MTUS2: variants seen among roughly 807,000 people sequenced by gnomAD.
MTUS2 encodes microtubule-associated tumor suppressor candidate 2.
In MTUS2, 40 loss-of-function variants were observed where a neutral mutation model predicts 114.1. That is an observed-to-expected ratio of 0.35 (90% CI 0.27 to 0.46). The LOEUF is 0.46. MTUS2 is among the 20% of genes least tolerant of loss of function. The probability of loss-of-function intolerance (pLI) is 1.00; values close to 1 mark genes in which losing one functional copy is unlikely to be tolerated. For synonymous variants in MTUS2, 688 were observed against 672.0 expected (o/e 1.02, Z -0.37); for missense variants, 1,679 against 1,705.4 (o/e 0.98, Z 0.27).
At chr13:29,032,940 CTCT>C (rs1248761993) in intron 3 of MTUS2, among the ~76,000 whole-genome samples, 2 of 152,136 alleles carry the variant, frequency 1.3e-5, no homozygotes, top group African/African-American at 4.8e-5. Flanking sequence ...TTAGTTCTCT[CTCT>C]TTTTTTCCTG....
intron 2 of MTUS2, among the ~76,000 whole-genome samples, chr13:28,902,723 T>C (rs76458423): frequency 0.031 from 4,787 of 152,270 alleles, 234 homozygotes; most frequent in African/African-American, 0.11. Flanking sequence ...TTTGCTAATA[T>C]TATGTTTAGG....
intron 8 of MTUS2, among the ~76,000 whole-genome samples, chr13:29,423,880 C>G (rs1446716045): frequency 7.4e-6 from 1 of 134,522 alleles, no homozygotes; most frequent in Non-Finnish European, 1.6e-5. Context: ...TTTTTTTTTT[C>G]TGAGATGGAG....
chr13:28,915,796 A>G (rs1258852796), intron 2 of MTUS2, among the ~76,000 whole-genome samples: 1 of 151,576 alleles, frequency 6.6e-6, no homozygotes, highest in Non-Finnish European at 1.5e-5. Flanking sequence ...AAGCTTTTTA[A>G]CTTGATATGA....
intron 5 of MTUS2, among the ~76,000 whole-genome samples, chr13:29,272,380 A>C (rs1024947322): frequency 6.6e-6 from 1 of 152,148 alleles, no homozygotes; most frequent in Non-Finnish European, 1.5e-5. Flanking sequence ...CATTTCTTAG[A>C]GTTTGGCTAT....
intron 4 of MTUS2, among the ~76,000 whole-genome samples, chr13:29,034,695 A>G (rs1015384087): frequency 5.9e-5 from 9 of 152,198 alleles, no homozygotes; most frequent in Admixed American, 5.2e-4. Context: ...GTCTTTGGTC[A>G]TCCGGCAGGA....
chr13:29,394,888 A>T (rs1202698991), intron 8 of MTUS2, among the ~76,000 whole-genome samples: 1 of 151,986 alleles, frequency 6.6e-6, no homozygotes. Flanking sequence ...ATGCCTGATG[A>T]TCTAAGGTGG....
chr13:29,089,452 A>T (rs943627588), intron 4 of MTUS2, among the ~76,000 whole-genome samples: 1 of 152,136 alleles, frequency 6.6e-6, no homozygotes, highest in African/African-American at 2.4e-5. Context: ...CATATTGTCT[A>T]GTATTTCACA....
chr13:29,320,630 T>C (rs1257526398), intron 6 of MTUS2, among the ~76,000 whole-genome samples: 1 of 152,108 alleles, frequency 6.6e-6, no homozygotes, highest in Admixed American at 6.5e-5. Context: ...CACCATGGAG[T>C]TGGGACTTCC....
At position 29,100,848 on chromosome 13, in the gene MTUS2, A is replaced by G. The variant is rs1593476432; in HGVS notation, c.2522A>G (p.Tyr841Cys). ...LPKSGLRPPGYSRLPAAKLAA... is the reference protein window; with the variant it reads ...LPKSGLRPPGCSRLPAAKLAA... ...AAATCTGGTCTCCGTCCTCCCGGAT[A>G]CTCACGTCTCCCGGCAGCCAAACTG... The change falls in exon 5 of 16, where the codon TAC becomes TGC. Residue 841 changes from tyrosine (Y) to cysteine (C), a missense_variant. Tyr to Cys is a radical substitution (Grantham distance 194). Around this residue, in one of 3 missense-constraint regions of MTUS2, gnomAD observed 822 missense variants for 899.7 expected, o/e 0.91. Transcript: ENST00000612955. 3.9e-6 allele frequency: 6 copies of G among 1,552,350 alleles called. No individual in the cohort carries two copies. The highest frequency in any genetic ancestry group is 1.4e-5 in the African/African-American group (1 of 73,174).
chr13:29,075,963 GAGA>G (rs1192324255), intron 4 of MTUS2, among the ~76,000 whole-genome samples: 8 of 152,156 alleles, frequency 5.3e-5, no homozygotes, highest in Non-Finnish European at 8.8e-5. Context: ...CCAGAAGAGT[GAGA>G]AGAAGATAGG....
Position 29,435,728 on chromosome 13 carries a change from A to G in MTUS2, c.3118-4255A>G, listed in dbSNP as rs1478168370. ...ACGTCATTCTGGTTTGGCTTGCAGG[A>G]AGCAAAAAGTAACTTACTTTATGCA... On this transcript the variant is annotated intron_variant, in intron 8 of 15. Transcript: ENST00000612955. Among the ~76,000 whole-genome samples the G allele has an allele frequency of 3.3e-5, 5 of 152,340 alleles. No individual in the cohort carries two copies. In the East Asian group the frequency reaches 9.7e-4, roughly 29 times the overall value.
At chr13:29,408,325 A>T (rs1874948023) in intron 8 of MTUS2, among the ~76,000 whole-genome samples, 1 of 152,082 alleles carries the variant, frequency 6.6e-6, no homozygotes, top group South Asian at 2.1e-4. Flanking sequence ...TTTAAAAAAA[A>T]ATTATTTTGA....
intron 9 of MTUS2, among the ~76,000 whole-genome samples, chr13:29,444,298 G>A (rs370828181): frequency 6.6e-5 from 10 of 152,158 alleles, no homozygotes; most frequent in African/African-American, 2.4e-4. Context: ...GTGTGGTGGT[G>A]GGTGCCTGTA....
chr13:28,844,764 A>C, intron 2 of MTUS2, among the ~76,000 whole-genome samples: 1 of 151,930 alleles, frequency 6.6e-6, no homozygotes, highest in Non-Finnish European at 1.5e-5. Context: ...CTACAGGCGC[A>C]CGCCACCACA....
At chr13:29,442,543 C>T (rs550293203) in intron 9 of MTUS2, among the ~76,000 whole-genome samples, 17 of 152,136 alleles carry the variant, frequency 1.1e-4, no homozygotes, top group Non-Finnish European at 2.4e-4. Flanking sequence ...CAGCCAAAAC[C>T]TCAGCTTTGC....
intron 2 of MTUS2, among the ~76,000 whole-genome samples, chr13:28,985,796 G>T (rs1187171330): frequency 1.3e-5 from 2 of 152,160 alleles, no homozygotes; most frequent in African/African-American, 4.8e-5. Flanking sequence ...CCTCCATGAT[G>T]TGGGTGGGCC....
intron 5 of MTUS2, among the ~76,000 whole-genome samples, chr13:29,219,858 G>A (rs1340578282): frequency 6.6e-6 from 1 of 152,202 alleles, no homozygotes; most frequent in Non-Finnish European, 1.5e-5. Flanking sequence ...GAAGAGAGCT[G>A]GGATGTTGCT....
intron 8 of MTUS2, among the ~76,000 whole-genome samples, chr13:29,406,212 C>A (rs1174875479): frequency 1.3e-5 from 2 of 152,082 alleles, no homozygotes; most frequent in Non-Finnish European, 2.9e-5. Flanking sequence ...TGTTGCATAA[C>A]AAATTACCCC....
chr13:29,075,994 T>C (rs1208827722), intron 4 of MTUS2, among the ~76,000 whole-genome samples: 3 of 152,206 alleles, frequency 2.0e-5, no homozygotes, highest in Non-Finnish European at 4.4e-5. Context: ...TTCAAAACTC[T>C]ACCTGGAAAT....
Sources: gnomAD v4.1 joint callset for allele counts (sites outside exome capture counted in the v4.1 genomes callset) on GRCh38, gnomAD v4.1.1 for gene constraint, gnomAD v4.1.1 regional missense constraint, MANE v1.5 for transcripts, NCBI Gene and HGNC (gene_info 2026-07-23, HGNC 2026-07-21) for gene names.